The following TARS3 variants were observed in gnomAD, a reference collection of about 807,000 sequenced individuals.
The protein encoded by TARS3 is threonine--tRNA ligase 2, cytoplasmic.
A neutral mutation model predicts 103.5 loss-of-function variants in TARS3; 94 were observed. That is an observed-to-expected ratio of 0.91 (90% confidence interval 0.77 to 1.08). TARS3 has a LOEUF of 1.08. TARS3 is among the 50% of genes least tolerant of loss of function. TARS3 has a pLI of 0.00. For missense variants in TARS3, 952 were observed against 995.2 expected, an observed-to-expected ratio of 0.96 and a Z score of 0.58; for synonymous variants, 416 against 355.4, an observed-to-expected ratio of 1.17 and a Z score of -1.92.
At chr15:101,705,049 G>T (rs1441924811) in intron 7 of TARS3, among the ~76,000 whole-genome samples, 1 of 152,164 alleles carries the variant, frequency 6.6e-6, no homozygotes, top group Non-Finnish European at 1.5e-5. Flanking sequence ...GCAGCACCCA[G>T]ATGGCCGGAA....
At chr15:101,702,579 G>A (rs1252912948) in intron 8 of TARS3, among the ~76,000 whole-genome samples, 194 bp from the exon 9 acceptor site, 1 of 152,152 alleles carries the variant, frequency 6.6e-6, no homozygotes, top group Non-Finnish European at 1.5e-5. Context: ...AGACTCGCCT[G>A]GACAACGTGG....
Position 101,714,937 on chromosome 15 carries a change from A to G in TARS3, c.593T>C (p.Ile198Thr), listed in dbSNP as rs772838351. The part of the protein sequence containing the change: ...ISQELAESTV[I>T]AKVNGELWDL... ...CCACAGTTCACCATTGACTTTGGCT[A>G]TTACCGTGCTTTCAGCCAGTTCCTG... The change falls in exon 4 of 19, where the codon ATA becomes ACA. Residue 198 changes from isoleucine to threonine, a missense_variant. Around this residue, in one of 2 missense-constraint regions of TARS3, gnomAD observed 412 missense variants for 364.2 expected, o/e 1.13. Transcript: ENST00000335968. 1.9e-6 allele frequency: 3 copies of G among 1,610,626 alleles called. No individual in the cohort carries two copies. Among genetic ancestry groups the G allele is most frequent in the African/African-American group, 2.7e-5 (2 of 74,752 alleles).
intron 4 of TARS3, among the ~76,000 whole-genome samples, chr15:101,713,125 G>A (rs1466519733): frequency 6.6e-6 from 1 of 152,214 alleles, no homozygotes; most frequent in Non-Finnish European, 1.5e-5. Context: ...CAGCCTATTG[G>A]CGAAGACACA....
At chr15:101,676,527 C>G (rs1216191589) in intron 12 of TARS3, among the ~76,000 whole-genome samples, 2 of 152,164 alleles carry the variant, frequency 1.3e-5, no homozygotes, top group Non-Finnish European at 2.9e-5. Flanking sequence ...TTGAGACAGT[C>G]TTGCTCTGTC....
chr15:101,681,144 T>TTATC (rs1430296844), intron 12 of TARS3, among the ~76,000 whole-genome samples: 1 of 152,254 alleles, frequency 6.6e-6, no homozygotes, highest in African/African-American at 2.4e-5. Flanking sequence ...TTTTGCTGAT[T>TTATC]TATCTATCTA....
chr15:101,661,701 A>G lies in TARS3; in HGVS notation c.2072+11T>C, dbSNP rs538954445. 13 of 1,535,192 alleles carry G rather than the reference A, an allele frequency of 8.5e-6. No homozygotes were observed. The African/African-American group carries it at 1.5e-4, about 18-fold the overall frequency. On this transcript the variant is annotated intron_variant, in intron 16 of 18. Transcript: ENST00000335968. ...AATAGACATATAGTTTTTCTTTTCC[A>G]TATCACTTACCATTTTCCGCCATAG... is the stretch of plus-strand genomic sequence containing the variant.
intron 1 of TARS3, among the ~76,000 whole-genome samples, chr15:101,723,417 GTGGC>G (rs975941511): frequency 2.0e-5 from 3 of 152,138 alleles, no homozygotes; most frequent in African/African-American, 7.2e-5. Context: ...AACAAATAAT[GTGGC>G]TGGAAAATGT....
intron 10 of TARS3, among the ~76,000 whole-genome samples, chr15:101,692,768 C>G (rs1394088801): frequency 6.6e-6 from 1 of 152,208 alleles, no homozygotes; most frequent in Non-Finnish European, 1.5e-5. Flanking sequence ...TTACCTTAGC[C>G]AGGCCCATAT....
At chr15:101,668,039 C>T (rs1897649492) in intron 15 of TARS3, among the ~76,000 whole-genome samples, 1 of 152,232 alleles carries the variant, frequency 6.6e-6, no homozygotes, top group African/African-American at 2.4e-5. Context: ...GGGAAACTTT[C>T]TCCACATCAG....
intron 10 of TARS3, among the ~76,000 whole-genome samples, chr15:101,691,702 T>C (rs1898733346): frequency 6.6e-6 from 1 of 152,252 alleles, no homozygotes; most frequent in African/African-American, 2.4e-5. Context: ...TAAAATCTAA[T>C]TACTTAACAA....
intron 6 of TARS3, among the ~76,000 whole-genome samples, chr15:101,707,353 T>C (rs571836484): frequency 6.6e-6 from 1 of 152,232 alleles, no homozygotes; most frequent in Admixed American, 6.5e-5. Context: ...CCAAAAGAAG[T>C]AAAGCAGAGA....
At position 101,684,251 on chromosome 15, in the gene TARS3, G is replaced by A. The variant is rs138665867; in HGVS notation, c.1488-14C>T. 6.2e-7 allele frequency: 1 copy of A among 1,610,352 alleles called. No homozygotes were observed. The highest frequency in any genetic ancestry group is 1.3e-5 in the African/African-American group (1 of 74,808). On this transcript the variant is annotated splice_polypyrimidine_tract_variant and intron_variant, in intron 11 of 18. Coordinates refer to ENST00000335968, the MANE Select transcript of TARS3 (RefSeq NM_152334.3). ...GCAAACATTAGACTAGAAAAGATGT[G>A]GTAACACACAGCTTTTACACAGCAC...
At chr15:101,714,712 A>T in intron 4 of TARS3, 128 bp downstream of exon 4, 1 of 708,968 alleles carries the variant, frequency 1.4e-6, no homozygotes, top group Non-Finnish European at 2.1e-6. Context: ...AAACATCAAT[A>T]ATCAAATTTT....
rs940264057 is a variant in TARS3, at chr15:101,667,842, C to A, written c.1967+3644G>T. On this transcript the variant is annotated intron_variant, in intron 15 of 18. Transcript: ENST00000335968. ...CTCCTGACCTCAGGTGATCCACCTG[C>A]CTCTGCCTCCCAAAGTGCTGGGATT... Among the ~76,000 whole-genome samples the A allele has an allele frequency of 1.1e-4, 17 of 152,312 alleles. 1 individual carries two copies. Among genetic ancestry groups the A allele is most frequent in the African/African-American group, 4.1e-4 (17 of 41,574 alleles).
chr15:101,699,652 C>T (rs936061942), intron 10 of TARS3, among the ~76,000 whole-genome samples: 4 of 152,142 alleles, frequency 2.6e-5, no homozygotes, highest in East Asian at 1.9e-4. Context: ...TCTTCCACTG[C>T]CCTCTGATCT....
chr15:101,716,684 T>G (rs1242363463), intron 3 of TARS3, among the ~76,000 whole-genome samples: 1 of 152,162 alleles, frequency 6.6e-6, no homozygotes. Context: ...CTCAATTATT[T>G]TCTCAGGAAA....
intron 15 of TARS3, among the ~76,000 whole-genome samples, chr15:101,668,489 C>T (rs989974498): frequency 6.6e-6 from 1 of 152,000 alleles, no homozygotes; most frequent in African/African-American, 2.4e-5. Context: ...ATCACCATAA[C>T]AGATAGAATA....
intron 4 of TARS3, 82 bp downstream of exon 4, chr15:101,714,758 G>T: frequency 7.7e-7 from 1 of 1,297,540 alleles, no homozygotes; most frequent in Non-Finnish European, 1.0e-6. Context: ...CAACATTCGT[G>T]ACTTCAATAT....
intron 10 of TARS3, chr15:101,699,264 T>C (rs1393121990): frequency 3.0e-6 from 1 of 328,632 alleles, no homozygotes; most frequent in Non-Finnish European, 6.0e-6. Context: ...AAGTTCTCAG[T>C]GTCGCCTGTG....
Sources: gnomAD v4.1 joint callset for allele counts (sites outside exome capture counted in the v4.1 genomes callset) on GRCh38, gnomAD v4.1.1 for gene constraint, gnomAD v4.1.1 regional missense constraint, MANE v1.5 for transcripts, NCBI Gene and HGNC (gene_info 2026-07-23, HGNC 2026-07-21) for gene names.